EPB41L4A: variants seen among roughly 807,000 people sequenced by gnomAD.
The protein encoded by EPB41L4A is band 4.1-like protein 4A.
A neutral mutation model predicts 108.6 loss-of-function variants in EPB41L4A; 100 were observed. The ratio of observed to expected loss-of-function variants is 0.92; its 90% confidence interval spans 0.78 to 1.09. The LOEUF (loss-of-function observed/expected upper bound fraction) is 1.09, where lower values mean the gene tolerates loss of function less well. Among genes scored for constraint, EPB41L4A ranks in the 50% least tolerant of loss-of-function variants. The pLI, the probability that EPB41L4A is intolerant of heterozygous loss-of-function variation, is 0.00. For synonymous variants in EPB41L4A, 319 were observed against 289.0 expected, an observed-to-expected ratio of 1.10 and a Z score of -1.05; for missense variants, 1,030 against 842.7, an observed-to-expected ratio of 1.22 and a Z score of -2.75.
At chr5:112,146,937 T>C (rs578210483) in intron 12 of EPB41L4A, among the ~76,000 whole-genome samples, 1 of 152,346 alleles carries the variant, frequency 6.6e-6, no homozygotes, top group South Asian at 2.1e-4. Flanking sequence ...AGCCTCACCT[T>C]GGAAAAACAA....
At chr5:112,253,880 T>C (rs1383946973) in intron 9 of EPB41L4A, among the ~76,000 whole-genome samples, 1 of 152,206 alleles carries the variant, frequency 6.6e-6, no homozygotes, top group Non-Finnish European at 1.5e-5. Flanking sequence ...TATATTACCA[T>C]GTAAAATGTG....
intron 4 of EPB41L4A, among the ~76,000 whole-genome samples, chr5:112,268,650 G>C (rs1752039664): frequency 6.6e-6 from 1 of 151,774 alleles, no homozygotes; most frequent in Non-Finnish European, 1.5e-5. Flanking sequence ...AAGAGTTTGA[G>C]ACAAGCATGG....
At chr5:112,284,545 T>C (rs946566843) in intron 2 of EPB41L4A, among the ~76,000 whole-genome samples, 1 of 152,064 alleles carries the variant, frequency 6.6e-6, no homozygotes, top group Admixed American at 6.6e-5. Context: ...CCCCTCTCTC[T>C]CCTATTTCAA....
chr5:112,273,268 G>A (rs979819046), intron 4 of EPB41L4A, among the ~76,000 whole-genome samples: 5 of 152,146 alleles, frequency 3.3e-5, no homozygotes, highest in African/African-American at 1.2e-4. Context: ...ATGTCACTGT[G>A]TTCTTAACTA....
intron 11 of EPB41L4A, among the ~76,000 whole-genome samples, chr5:112,238,805 A>G (rs1749551834): frequency 1.3e-5 from 2 of 152,208 alleles, no homozygotes; most frequent in African/African-American, 4.8e-5. Context: ...ACCTAATACT[A>G]TGCCTTGCAC....
rs376573109 is a variant in EPB41L4A, at chr5:112,290,222, A to G, written c.205-9899T>C. 8.6e-4 allele frequency among the ~76,000 whole-genome samples: 131 copies of G among 152,308 alleles called. 1 individual carries two copies. The highest frequency in any genetic ancestry group is 3.1e-3 in the African/African-American group (129 of 41,578). ...TTTGACTTCCAAACATACTAGTTTTATTATTAATAAAGTGGTCTGATGAAA... is the reference window on the plus strand; with the variant it reads ...TTTGACTTCCAAACATACTAGTTTTGTTATTAATAAAGTGGTCTGATGAAA... On this transcript the variant is annotated intron_variant, in intron 2 of 22. Coordinates refer to ENST00000261486, the MANE Select transcript of EPB41L4A (RefSeq NM_022140.5).
intron 12 of EPB41L4A, among the ~76,000 whole-genome samples, chr5:112,212,065 T>C (rs146128029): frequency 0.017 from 2,647 of 152,292 alleles, 38 homozygotes; most frequent in Non-Finnish European, 0.025. Flanking sequence ...CTACTCCACG[T>C]GCCATCAAAC....
chr5:112,310,435 G>C (rs76049860), intron 1 of EPB41L4A, among the ~76,000 whole-genome samples: 2,685 of 152,236 alleles, frequency 0.018, 83 homozygotes, highest in African/African-American at 0.06. Context: ...TAGTAGTTTT[G>C]AGAACATGCA....
chr5:112,207,107 A>G (rs1762511450), intron 13 of EPB41L4A: 1 of 152,250 alleles, frequency 6.6e-6, no homozygotes, highest in African/African-American at 2.4e-5. Flanking sequence ...CCAATGCAAT[A>G]GGATAGAGAA....
At chr5:112,251,083 T>C (rs1750632207) in intron 9 of EPB41L4A, among the ~76,000 whole-genome samples, 1 of 152,184 alleles carries the variant, frequency 6.6e-6, no homozygotes, top group Non-Finnish European at 1.5e-5. Context: ...CCAAATGTCA[T>C]GTGGCATCAG....
Position 112,143,729 on chromosome 5 carries a change from T to C in EPB41L4A, n.1264A>G, listed in dbSNP as rs1759147287. ...CAGCAATTTTCCCTATTGACTCCAATATAGAAAAGTCCCAGACAAGGGCTC... is the reference window on the plus strand; with the variant it reads ...CAGCAATTTTCCCTATTGACTCCAACATAGAAAAGTCCCAGACAAGGGCTC... On this transcript the variant is annotated non_coding_transcript_exon_variant, in exon 14 of 14. Coordinates refer to the EPB41L4A transcript ENST00000507810. 14 of 323,646 alleles carry C rather than the reference T, an allele frequency of 4.3e-5. 1 individual carries two copies. The highest frequency in any genetic ancestry group is 3.3e-4 in the South Asian group (14 of 42,434). 20.0% of individuals were successfully genotyped at this position (323,646 alleles called of 1,614,324 possible).
chr5:112,240,363 T>G (rs931092631), intron 10 of EPB41L4A, among the ~76,000 whole-genome samples: 1 of 152,246 alleles, frequency 6.6e-6, no homozygotes, highest in Non-Finnish European at 1.5e-5. Flanking sequence ...TCTACCTAGA[T>G]GGCTGATAGG....
intron 9 of EPB41L4A, among the ~76,000 whole-genome samples, chr5:112,248,371 T>C (rs942273732): frequency 1.1e-4 from 17 of 152,226 alleles, no homozygotes; most frequent in African/African-American, 4.1e-4. Flanking sequence ...AAGAAGTTCA[T>C]TCCAATCTCC....
intron 1 of EPB41L4A, among the ~76,000 whole-genome samples, chr5:112,376,166 C>CA (rs1759807501): frequency 6.6e-6 from 1 of 152,056 alleles, no homozygotes; most frequent in South Asian, 2.1e-4. Flanking sequence ...AAAGAACTCG[C>CA]AAAACTCAAC....
chr5:112,196,527 A>T (rs1264290320), intron 15 of EPB41L4A: 1 of 151,986 alleles, frequency 6.6e-6, no homozygotes, highest in Non-Finnish European at 1.5e-5. Flanking sequence ...TGACCTGGCT[A>T]CTCTCCACCA....
rs886807354 is a variant in EPB41L4A at position 112,318,348 on chromosome 5, G to A, written c.100-10858C>T. Among the ~76,000 whole-genome samples the A allele has an allele frequency of 2.0e-5, 3 of 152,234 alleles. No homozygotes were observed. In the South Asian group the frequency reaches 6.2e-4, roughly 32 times the overall value. On this transcript the variant is annotated intron_variant, in intron 1 of 22. Transcript: ENST00000261486. ...GAAATCAGAATTCCCAGAGTAGAGA[G>A]CTATTTTCAAGACTAATTTAAAGGA...
At chr5:112,144,447 A>G (rs923409105) in intron 13 of EPB41L4A, among the ~76,000 whole-genome samples, 1 of 152,102 alleles carries the variant, frequency 6.6e-6, no homozygotes, top group Non-Finnish European at 1.5e-5. Context: ...CACCACACTC[A>G]GCTAATTTTT....
Position 112,419,161 on chromosome 5 carries a change from C to T in EPB41L4A, c.-122G>A. 2 of 697,190 alleles carry T rather than the reference C, an allele frequency of 2.9e-6. No individual in the cohort carries two copies. The highest frequency in any genetic ancestry group is 4.8e-6 in the Non-Finnish European group (2 of 415,172). The allele number at this position is 697,190 out of a possible 1,614,324, so 43.2% of individuals were successfully genotyped here. On this transcript the variant is annotated 5_prime_UTR_variant, in exon 1 of 23. Coordinates refer to ENST00000261486, the MANE Select transcript of EPB41L4A (RefSeq NM_022140.5). ...GCCGTGGCGAGGGTGAGACGAGCAG[C>T]TCCCGGCGGGGTCCGGGGACCGGCC...
At chr5:112,288,502 G>A (rs780735107) in intron 2 of EPB41L4A, among the ~76,000 whole-genome samples, 1 of 152,110 alleles carries the variant, frequency 6.6e-6, no homozygotes, top group Admixed American at 6.5e-5. Flanking sequence ...ACCAAGAGCC[G>A]AGAAGACAGG....
Sources: allele counts gnomAD v4.1 joint callset (sites outside exome capture counted in the v4.1 genomes callset), GRCh38; gene constraint gnomAD v4.1.1; transcripts MANE v1.5; gene names NCBI Gene and HGNC (gene_info 2026-07-23, HGNC 2026-07-21).